The following BTNL8 variants were observed in gnomAD, a reference collection of about 807,000 sequenced individuals.
The protein encoded by BTNL8 is butyrophilin like 8.
In BTNL8, 22 loss-of-function variants were observed where a neutral mutation model predicts 36.1. That is an observed-to-expected ratio of 0.61 (90% CI 0.44 to 0.87). The LOEUF is 0.87. Among genes scored for constraint, BTNL8 ranks in the 40% least tolerant of loss-of-function variants. The probability of loss-of-function intolerance (pLI) is 0.00; values close to 1 mark genes in which losing one functional copy is unlikely to be tolerated. For missense variants in BTNL8, 526 were observed against 616.9 expected (o/e 0.85, Z 1.56); for synonymous variants, 203 against 235.6 (o/e 0.86, Z 1.27).
chr5:180,931,065 T>G (rs752342251), intron 3 of BTNL8, among the ~76,000 whole-genome samples: 17 of 152,152 alleles, frequency 1.1e-4, no homozygotes, highest in Non-Finnish European at 2.9e-5. Context: ...CAAACTATAC[T>G]AGAAGGCTAC....
At chr5:180,899,994 T>C (rs1387408864) in intron 1 of BTNL8, among the ~76,000 whole-genome samples, 1 of 152,204 alleles carries the variant, frequency 6.6e-6, no homozygotes, top group Non-Finnish European at 1.5e-5. Context: ...GAAGATTCGA[T>C]TGACTGTGTT....
chr5:180,908,969 G>T (rs1438226205), intron 2 of BTNL8, 36 bp downstream of exon 2: 2 of 1,576,406 alleles, frequency 1.3e-6, no homozygotes, highest in East Asian at 4.5e-5. Context: ...TTGTCCCAAA[G>T]AACCATCCTG....
chr5:180,921,821 T>G (rs894968587), intron 3 of BTNL8, among the ~76,000 whole-genome samples: 2 of 152,078 alleles, frequency 1.3e-5, no homozygotes, highest in Non-Finnish European at 2.9e-5. Context: ...ATCACCAAAC[T>G]CTTTGAGTTG....
intron 1 of BTNL8, among the ~76,000 whole-genome samples, chr5:180,902,169 G>A (rs552665087): frequency 7.1e-6 from 1 of 141,360 alleles, no homozygotes; most frequent in African/African-American, 2.9e-5. Context: ...CAAGGACGAT[G>A]GAAATGGGGA....
At chr5:180,936,307 C>T (rs1165375152) in intron 3 of BTNL8, among the ~76,000 whole-genome samples, 1 of 152,066 alleles carries the variant, frequency 6.6e-6, no homozygotes, top group East Asian at 1.9e-4. Context: ...AAAATTGTCT[C>T]TATTTAGTAA....
At chr5:180,943,796 T>C (rs930069648) in intron 3 of BTNL8, among the ~76,000 whole-genome samples, 1 of 152,224 alleles carries the variant, frequency 6.6e-6, no homozygotes. Context: ...CCTATGTTTA[T>C]TTCAGCACTA....
At chr5:180,924,825 A>G (rs770154441) in intron 3 of BTNL8, among the ~76,000 whole-genome samples, 7 of 152,364 alleles carry the variant, frequency 4.6e-5, no homozygotes, top group Non-Finnish European at 8.8e-5. Context: ...GAAATATGCA[A>G]GTCTATGAGA....
intron 7 of BTNL8, 34 bp from the exon 8 acceptor site, chr5:180,949,870 A>C: frequency 7.0e-7 from 1 of 1,427,714 alleles, no homozygotes; most frequent in Non-Finnish European, 9.6e-7. Flanking sequence ...GTCTTCAGTA[A>C]CTCATGCTTC....
chr5:180,916,535 G>A (rs560331290), intron 3 of BTNL8, among the ~76,000 whole-genome samples: 1 of 152,036 alleles, frequency 6.6e-6, no homozygotes, highest in Non-Finnish European at 1.5e-5. Flanking sequence ...ACTAAATGTT[G>A]TTTATTTGAA....
chr5:180,938,044 C>A (rs1002456936), intron 3 of BTNL8, among the ~76,000 whole-genome samples: 1 of 151,640 alleles, frequency 6.6e-6, no homozygotes, highest in Admixed American at 6.6e-5. Context: ...AAAAACATTG[C>A]CATTTGATGG....
rs1413674029 is a variant in BTNL8 at position 180,907,764 on chromosome 5, T to G, written c.50-822T>G. Reference sequence around the variant, plus strand: ...AGAGGACCCTCAGCTGCAGGTCTGTTGGAGTACCCTGCCGTGTGAGGTGTC... The same window carrying G: ...AGAGGACCCTCAGCTGCAGGTCTGTGGGAGTACCCTGCCGTGTGAGGTGTC... On this transcript the variant is annotated intron_variant, in intron 1 of 7. Transcript: ENST00000340184. Among the ~76,000 whole-genome samples, 7 of 152,056 alleles carry G rather than the reference T, an allele frequency of 4.6e-5. No homozygotes were observed. In the East Asian group the frequency reaches 1.4e-3, roughly 29 times the overall value.
At chr5:180,933,568 T>G (rs1388783176) in intron 3 of BTNL8, among the ~76,000 whole-genome samples, 1 of 151,692 alleles carries the variant, frequency 6.6e-6, no homozygotes, top group East Asian at 1.9e-4. Context: ...AAAACAAGAA[T>G]GAAATAAAAA....
chr5:180,930,009 C>A (rs1041175228), intron 3 of BTNL8, among the ~76,000 whole-genome samples: 4 of 152,044 alleles, frequency 2.6e-5, no homozygotes, highest in African/African-American at 9.7e-5. Flanking sequence ...AGAAACACAA[C>A]AAAAAAGGAA....
chr5:180,924,189 C>T (rs1757993914), intron 3 of BTNL8, among the ~76,000 whole-genome samples: 1 of 152,208 alleles, frequency 6.6e-6, no homozygotes, highest in African/African-American at 2.4e-5. Context: ...AAGACAATAG[C>T]AGCTCTGTGA....
intron 3 of BTNL8, among the ~76,000 whole-genome samples, chr5:180,939,561 A>G (rs1010858426): frequency 6.6e-6 from 1 of 152,208 alleles, no homozygotes; most frequent in East Asian, 1.9e-4. Flanking sequence ...CATAAAGCAA[A>G]TATTACTAGA....
chr5:180,924,792 A>G (rs1378946879), intron 3 of BTNL8, among the ~76,000 whole-genome samples: 1 of 152,228 alleles, frequency 6.6e-6, no homozygotes, highest in Non-Finnish European at 1.5e-5. Flanking sequence ...AAAGAAACTA[A>G]TAATGCTCCG....
At chr5:180,927,592 T>A (rs560158748) in intron 3 of BTNL8, among the ~76,000 whole-genome samples, 1 of 152,210 alleles carries the variant, frequency 6.6e-6, no homozygotes, top group African/African-American at 2.4e-5. Flanking sequence ...GAAAAAAGGT[T>A]AGAGGAGCTG....
chr5:180,925,068 C>T (rs998658725), intron 3 of BTNL8, among the ~76,000 whole-genome samples: 2 of 151,708 alleles, frequency 1.3e-5, no homozygotes, highest in Non-Finnish European at 2.9e-5. Context: ...AATCACTGGG[C>T]TTGAAGACTG....
chr5:180,918,123 A>C (rs1384169362), intron 3 of BTNL8, among the ~76,000 whole-genome samples: 1 of 152,098 alleles, frequency 6.6e-6, no homozygotes, highest in African/African-American at 2.4e-5. Context: ...ATAATTCCAA[A>C]CTCATTTTAT....
Sources: gnomAD v4.1 joint callset for allele counts (sites outside exome capture counted in the v4.1 genomes callset) on GRCh38, gnomAD v4.1.1 for gene constraint, MANE v1.5 for transcripts, NCBI Gene and HGNC (gene_info 2026-07-23, HGNC 2026-07-21) for gene names.